Variants in GPC1 observed in about 807,000 individuals in gnomAD.
GPC1 encodes glypican 1.
A neutral mutation model predicts 51.5 loss-of-function variants in GPC1; 26 were observed. The ratio of observed to expected loss-of-function variants is 0.50; its 90% confidence interval spans 0.37 to 0.70. The LOEUF (loss-of-function observed/expected upper bound fraction) is 0.70, where lower values mean the gene tolerates loss of function less well. Ranked by LOEUF, GPC1 falls within the 30% of genes least tolerant of loss-of-function variation. The probability of loss-of-function intolerance (pLI) is 0.00; values close to 1 mark genes in which losing one functional copy is unlikely to be tolerated. For synonymous variants in GPC1, 380 were observed against 348.3 expected (o/e 1.09, Z -1.01); for missense variants, 775 against 800.5 (o/e 0.97, Z 0.38).
chr2:240,436,625 A>G (rs558479493), intron 1 of GPC1, among the ~76,000 whole-genome samples: 1 of 152,320 alleles, frequency 6.6e-6, no homozygotes, highest in East Asian at 1.9e-4. Flanking sequence ...TCTCCAGCAA[A>G]GGCAGCCTAG....
In GPC1 at chr2:240,451,272, G is replaced by A. The variant is rs186886600; in HGVS notation, c.167-7758G>A. ...ACGGGGCAGATGGACGGGCCTGCGCGGCGTCTTTGTGGACTGGAATGTGGC... is the reference window on the plus strand; with the variant it reads ...ACGGGGCAGATGGACGGGCCTGCGCAGCGTCTTTGTGGACTGGAATGTGGC... On this transcript the variant is annotated intron_variant, in intron 1 of 8. Transcript: ENST00000264039. 5.8e-4 allele frequency: 275 copies of A among 470,912 alleles called. 1 individual carries two copies. The highest frequency in any genetic ancestry group is 4.9e-3 in the African/African-American group (245 of 50,168). The allele number at this position is 470,912 out of a possible 1,614,324, so 29.2% of individuals were successfully genotyped here.
intron 1 of GPC1, among the ~76,000 whole-genome samples, chr2:240,446,194 C>T (rs530048829): frequency 2.6e-4 from 40 of 152,320 alleles, no homozygotes; most frequent in African/African-American, 8.7e-4. Context: ...AACGGGGGAA[C>T]GTCGTGGGGA....
intron 1 of GPC1, among the ~76,000 whole-genome samples, chr2:240,436,779 G>A (rs891853567): frequency 3.9e-5 from 6 of 152,248 alleles, no homozygotes; most frequent in Non-Finnish European, 8.8e-5. Context: ...CTGGCGCTTG[G>A]GCAGCCTCGT....
In GPC1 at chr2:240,462,502, G is replaced by A; in HGVS notation, c.637G>A (p.Ala213Thr). Residue 213 changes from alanine (A) to threonine (T), a missense_variant, in exon 3 of 9, where the codon GCC (alanine) becomes ACC (threonine). Transcript: ENST00000264039. ...GEAPRELRLR[A>T]TRAFVAARSF... ...GGCCCCGAGAGAGCTGCGCCTGCGG[G>A]CCACCCGTGCCTTCGTGGCTGCTCG... The A allele has an allele frequency of 6.3e-7, 1 of 1,592,878 alleles. No individual in the cohort carries two copies. The highest frequency in any genetic ancestry group is 1.3e-5 in the African/African-American group (1 of 74,478).
At chr2:240,456,754 A>C in intron 1 of GPC1, 1 of 397,602 alleles carries the variant, frequency 2.5e-6, no homozygotes, top group South Asian at 1.8e-5. Flanking sequence ...TTCCTGCTCT[A>C]AATCCTGCCC....
intron 3 of GPC1, 126 bp downstream of exon 3, chr2:240,462,708 C>T: frequency 2.5e-6 from 2 of 809,286 alleles, no homozygotes; most frequent in South Asian, 3.9e-5. Flanking sequence ...TGACCTCAGC[C>T]CCACAGCCTC....
At chr2:240,440,348 A>G (rs1213774838) in intron 1 of GPC1, among the ~76,000 whole-genome samples, 1 of 152,220 alleles carries the variant, frequency 6.6e-6, no homozygotes, top group Non-Finnish European at 1.5e-5. Flanking sequence ...GAGTAAACCG[A>G]AGCCTGGTGA....
At position 240,446,182 on chromosome 2, in the gene GPC1, G is replaced by A. The variant is rs77462011; in HGVS notation, c.166+10098G>A. Among the ~76,000 whole-genome samples, 1,212 of 152,340 alleles carry A rather than the reference G, an allele frequency of 8.0e-3. 19 individuals carry two copies. The highest frequency in any genetic ancestry group is 0.027 in the African/African-American group (1,137 of 41,592). On this transcript the variant is annotated intron_variant, in intron 1 of 8. Transcript: ENST00000264039. ...GAGGGCCCACGGTGGCCTAGGGTCC[G>A]AAACGGGGGAACGTCGTGGGGAGTC...
intron 1 of GPC1, among the ~76,000 whole-genome samples, chr2:240,443,131 C>G (rs1441401929): frequency 2.0e-5 from 3 of 152,288 alleles, no homozygotes; most frequent in African/African-American, 7.2e-5. Flanking sequence ...GATGCCGCCG[C>G]CTGTGCCGTC....
At chr2:240,465,449 G>A (rs1377356830) in intron 7 of GPC1, 24 bp from the exon 8 acceptor site, 3 of 1,609,938 alleles carry the variant, frequency 1.9e-6, no homozygotes, top group South Asian at 2.2e-5. Flanking sequence ...GCAGTGACCT[G>A]GGCTCTGCCT....
chr2:240,437,548 C>T (rs1216983824), intron 1 of GPC1, among the ~76,000 whole-genome samples: 4 of 152,126 alleles, frequency 2.6e-5, no homozygotes, highest in Non-Finnish European at 4.4e-5. Context: ...TTCCAGGCTG[C>T]CCCCCTCACC....
chr2:240,438,642 A>T (rs1348075216), intron 1 of GPC1, among the ~76,000 whole-genome samples: 1 of 152,234 alleles, frequency 6.6e-6, no homozygotes, highest in Non-Finnish European at 1.5e-5. Flanking sequence ...CGTGGGAAGG[A>T]GAGCAGTTGG....
chr2:240,459,085 G>A lies in GPC1; in HGVS notation c.222G>A (p.Glu74=). 1 of 1,612,876 alleles carries A rather than the reference G, an allele frequency of 6.2e-7. No homozygotes were observed. Residue 74 remains glutamate (E), a synonymous_variant, in exon 2 of 9, where the codon GAG becomes GAA. Coordinates refer to ENST00000264039, the MANE Select transcript of GPC1 (RefSeq NM_002081.3). ...ACACCTGCTGCACCAGCGAGATGGAGGAGAACCTGGCCAACCGCAGCCATG... is the reference window on the plus strand; with the variant it reads ...ACACCTGCTGCACCAGCGAGATGGAAGAGAACCTGGCCAACCGCAGCCATG... The part of the protein sequence containing the change: ...QGYTCCTSEM[E]ENLANRSHAE...
intron 1 of GPC1, among the ~76,000 whole-genome samples, chr2:240,453,850 C>T (rs2074130159): frequency 6.6e-6 from 1 of 152,094 alleles, no homozygotes; most frequent in African/African-American, 2.4e-5. Flanking sequence ...TGCCGCCGAG[C>T]CTTTGTTCCG....
intron 1 of GPC1, chr2:240,453,204 C>A (rs960490156): frequency 2.0e-5 from 4 of 199,004 alleles, no homozygotes; most frequent in Middle Eastern, 2.5e-3. Flanking sequence ...CCTTTCCGCC[C>A]CTCCTGTCGG....
intron 1 of GPC1, among the ~76,000 whole-genome samples, chr2:240,436,965 G>A (rs1479098607): frequency 1.3e-5 from 2 of 152,270 alleles, no homozygotes; most frequent in African/African-American, 4.8e-5. Flanking sequence ...GTACGGGTGG[G>A]TGGAACGGTG....
intron 2 of GPC1, among the ~76,000 whole-genome samples, chr2:240,461,293 CG>C (rs2074212872): frequency 6.6e-6 from 1 of 152,188 alleles, no homozygotes; most frequent in Non-Finnish European, 1.5e-5. Context: ...TCAGGCTTGA[CG>C]GCCCCCGTGC....
chr2:240,440,009 C>G (rs898836493), intron 1 of GPC1, among the ~76,000 whole-genome samples: 14 of 152,194 alleles, frequency 9.2e-5, no homozygotes, highest in Non-Finnish European at 7.4e-5. Flanking sequence ...CACAGATGCC[C>G]CCACCCCCAT....
chr2:240,454,134 G>A (rs566116044), intron 1 of GPC1, among the ~76,000 whole-genome samples: 5 of 152,316 alleles, frequency 3.3e-5, no homozygotes, highest in East Asian at 1.9e-4. Context: ...TCTGGGGGCC[G>A]TGGATGCCGT....
Sources: gnomAD v4.1 joint callset for allele counts (sites outside exome capture counted in the v4.1 genomes callset) on GRCh38, gnomAD v4.1.1 for gene constraint, MANE v1.5 for transcripts, NCBI Gene and HGNC (gene_info 2026-07-23, HGNC 2026-07-21) for gene names.